TGFB2: variants seen among roughly 807,000 people sequenced by gnomAD.
TGFB2 encodes the protein transforming growth factor beta 2.
TGFB2 carries 13 observed loss-of-function variants against 42.7 expected under a neutral mutation model. That is an observed-to-expected ratio of 0.30 (90% CI 0.20 to 0.48). The LOEUF is 0.48. Among genes scored for constraint, TGFB2 ranks in the 20% least tolerant of loss-of-function variants. The pLI is 0.99. For missense variants in TGFB2, 390 were observed against 517.5 expected, an observed-to-expected ratio of 0.75 and a Z score of 2.39; for synonymous variants, 193 against 193.6, an observed-to-expected ratio of 1.00 and a Z score of 0.03.
At chr1:218,439,494 T>C (rs977155410) in intron 6 of TGFB2, among the ~76,000 whole-genome samples, 2 of 152,222 alleles carry the variant, frequency 1.3e-5, no homozygotes, top group African/African-American at 4.8e-5. Context: ...TGAAAACTCA[T>C]GTGTTCAGGG....
intron 2 of TGFB2, among the ~76,000 whole-genome samples, chr1:218,417,418 A>G (rs900881690): frequency 3.3e-5 from 5 of 152,226 alleles, no homozygotes; most frequent in Non-Finnish European, 5.9e-5. Context: ...AGAAACTTCT[A>G]AGCAGCAAAG....
intron 1 of TGFB2, among the ~76,000 whole-genome samples, chr1:218,388,486 G>A (rs993795067): frequency 1.2e-4 from 19 of 152,150 alleles, no homozygotes; most frequent in African/African-American, 2.4e-4. Flanking sequence ...TGGCCCCCTC[G>A]CCCACCATGA....
chr1:218,443,031 G>A lies in TGFB2; in HGVS notation c.*1669G>A, dbSNP rs1660207201. The A allele has an allele frequency of 6.6e-6, 1 of 152,056 alleles. No homozygotes were observed. The highest frequency in any genetic ancestry group is 1.5e-5 in the Non-Finnish European group (1 of 67,992). 9.4% of individuals were successfully genotyped at this position (152,056 alleles called of 1,614,324 possible). Reference sequence around the variant, plus strand: ...ATATATTTTAGTCGATTTTTCAAAAGGGGAAAAAAGTCCAGGTCAGCATAA... The same window carrying A: ...ATATATTTTAGTCGATTTTTCAAAAAGGGAAAAAAGTCCAGGTCAGCATAA... On this transcript the variant is annotated 3_prime_UTR_variant, in exon 7 of 7. Transcript: ENST00000366930.
intron 1 of TGFB2, among the ~76,000 whole-genome samples, chr1:218,395,616 T>TC (rs1408662751): frequency 1.3e-5 from 2 of 151,050 alleles, no homozygotes; most frequent in Non-Finnish European, 3.0e-5. Flanking sequence ...TTTTTCTTTT[T>TC]TTTTTTTTTT....
At chr1:218,406,596 C>T (rs1658919597) in intron 2 of TGFB2, among the ~76,000 whole-genome samples, 1 of 152,166 alleles carries the variant, frequency 6.6e-6, no homozygotes, top group African/African-American at 2.4e-5. Context: ...GTGGTACTTG[C>T]ATATAGGGTA....
intron 1 of TGFB2, among the ~76,000 whole-genome samples, chr1:218,359,474 C>T (rs1657144941): frequency 6.6e-6 from 1 of 152,128 alleles, no homozygotes; most frequent in African/African-American, 2.4e-5. Context: ...CTAGTTTGTC[C>T]TGGAGAGAGA....
At chr1:218,380,159 G>A (rs1236723026) in intron 1 of TGFB2, among the ~76,000 whole-genome samples, 1 of 152,196 alleles carries the variant, frequency 6.6e-6, no homozygotes, top group Non-Finnish European at 1.5e-5. Flanking sequence ...CGCTGCCATC[G>A]TCAGCACTCA....
At chr1:218,438,673 A>T (rs1261678376) in intron 6 of TGFB2, among the ~76,000 whole-genome samples, 1 of 152,190 alleles carries the variant, frequency 6.6e-6, no homozygotes, top group Non-Finnish European at 1.5e-5. Context: ...GGTAATTCCC[A>T]GATTGGATGG....
intron 1 of TGFB2, among the ~76,000 whole-genome samples, chr1:218,400,212 T>C (rs1015465575): frequency 1.3e-5 from 2 of 151,784 alleles, no homozygotes; most frequent in Non-Finnish European, 2.9e-5. Context: ...ATGGGGTCTC[T>C]TGTTCAAAAA....
chr1:218,356,114 A>T (rs751801372), intron 1 of TGFB2, among the ~76,000 whole-genome samples: 3 of 152,164 alleles, frequency 2.0e-5, no homozygotes, highest in Non-Finnish European at 2.9e-5. Context: ...CACATAGTAT[A>T]TACTCCTCCC....
In TGFB2 at chr1:218,443,968, C is replaced by G. The variant is rs1019893384; in HGVS notation, c.*2606C>G. 6.6e-6 allele frequency: 1 copy of G among 152,066 alleles called. No homozygotes were observed. The highest frequency in any genetic ancestry group is 2.4e-5 in the African/African-American group (1 of 41,388). The allele number at this position is 152,066 out of a possible 1,614,324, so 9.4% of individuals were successfully genotyped here. ...GATGTATGTCTGTTTTTGTGGTGCT[C>G]TAGTGGTAAATAAATTATTTCGATG... On this transcript the variant is annotated 3_prime_UTR_variant, in exon 7 of 7. Transcript: ENST00000366930.
chr1:218,398,777 G>A lies in TGFB2; in HGVS notation c.347-6392G>A, dbSNP rs377278469. Among the ~76,000 whole-genome samples the A allele has an allele frequency of 1.2e-4, 19 of 152,074 alleles. No individual in the cohort carries two copies. In the South Asian group the frequency reaches 2.5e-3, roughly 20 times the overall value. On this transcript the variant is annotated intron_variant, in intron 1 of 6. Transcript: ENST00000366930. ...TAATTTTTGTATTTTTAGTAGAGAC[G>A]GGGTTTCACCATGTGGCCAGGATGG... is the stretch of plus-strand genomic sequence containing the variant.
chr1:218,435,728 C>A (rs1659948623), intron 4 of TGFB2, among the ~76,000 whole-genome samples: 1 of 152,170 alleles, frequency 6.6e-6, no homozygotes, highest in South Asian at 2.1e-4. Context: ...AACCAACAGC[C>A]CTGGCTTTGA....
chr1:218,412,605 G>C (rs906702837), intron 2 of TGFB2, among the ~76,000 whole-genome samples: 6 of 152,274 alleles, frequency 3.9e-5, no homozygotes, highest in Non-Finnish European at 5.9e-5. Context: ...TGGGCGTTGT[G>C]ACCTAAGCTT....
rs11118100 is a variant in TGFB2 at position 218,396,349 on chromosome 1, G to T, written c.347-8820G>T. ...AAAAACAATTTTTGGAGGCTCCATC[G>T]GTGGAGAGCATGATGTAATGGCAGA... On this transcript the variant is annotated intron_variant, in intron 1 of 6. Coordinates refer to ENST00000366930, the MANE Select transcript of TGFB2 (RefSeq NM_003238.6). Among the ~76,000 whole-genome samples, 1,113 of 152,172 alleles carry T rather than the reference G, an allele frequency of 7.3e-3. 10 individuals are homozygous for T. Among genetic ancestry groups the T allele is most frequent in the African/African-American group, 0.025 (1,027 of 41,492 alleles).
At chr1:218,413,314 A>C (rs978353485) in intron 2 of TGFB2, among the ~76,000 whole-genome samples, 38 of 149,970 alleles carry the variant, frequency 2.5e-4, no homozygotes, top group African/African-American at 8.6e-4. Flanking sequence ...CAGAGGTTGC[A>C]GTGAGCCGAG....
intron 1 of TGFB2, among the ~76,000 whole-genome samples, chr1:218,394,186 G>A (rs932920093): frequency 6.6e-6 from 1 of 152,126 alleles, no homozygotes; most frequent in African/African-American, 2.4e-5. Flanking sequence ...TTGGATTATA[G>A]GCGTAAGCCA....
rs1206490542 is a variant in TGFB2 at position 218,345,893 on chromosome 1, G to A, written c.-809G>A. The stretch of plus-strand genomic sequence containing the variant: ...GTGGAGTAACCAAGCGGGTCAGCGC[G>A]CGCCCGCCAGGGTGTAGGCCACGGA... On this transcript the variant is annotated 5_prime_UTR_variant, in exon 1 of 7. Transcript: ENST00000366930. Among the ~76,000 whole-genome samples, 1 of 151,956 alleles carries A rather than the reference G, an allele frequency of 6.6e-6. No homozygotes were observed. The highest frequency in any genetic ancestry group is 2.4e-5 in the African/African-American group (1 of 41,396).
At chr1:218,374,741 T>C (rs1558233390) in intron 1 of TGFB2, among the ~76,000 whole-genome samples, 1 of 152,194 alleles carries the variant, frequency 6.6e-6, no homozygotes, top group Non-Finnish European at 1.5e-5. Context: ...ATGTGAAAGA[T>C]GAGAAGCCCA....
Sources: allele counts gnomAD v4.1 joint callset (sites outside exome capture counted in the v4.1 genomes callset), GRCh38; gene constraint gnomAD v4.1.1; transcripts MANE v1.5; gene names NCBI Gene and HGNC (gene_info 2026-07-23, HGNC 2026-07-21).